SLC45A1: variants seen among roughly 807,000 people sequenced by gnomAD.
SLC45A1 encodes the protein proton-associated sugar transporter A.
In SLC45A1, 28 loss-of-function variants were observed where a neutral mutation model predicts 57.6. That is an observed-to-expected ratio of 0.49 (90% CI 0.36 to 0.67). The LOEUF (loss-of-function observed/expected upper bound fraction) is 0.67, where lower values mean the gene tolerates loss of function less well. Among genes scored for constraint, SLC45A1 ranks in the 30% least tolerant of loss-of-function variants. The pLI, the probability that SLC45A1 is intolerant of heterozygous loss-of-function variation, is 0.00. For missense variants in SLC45A1, 814 were observed against 1,041.5 expected, an observed-to-expected ratio of 0.78 and a Z score of 3.01; for synonymous variants, 459 against 471.5, an observed-to-expected ratio of 0.97 and a Z score of 0.34.
chr1:8,341,950 G>A (rs1285229045), intron 8 of SLC45A1, among the ~76,000 whole-genome samples: 1 of 151,956 alleles, frequency 6.6e-6, no homozygotes, highest in Non-Finnish European at 1.5e-5. Context: ...GCTCACGCCT[G>A]TAATCCCAGC....
Position 8,335,287 on chromosome 1 carries a change from C to T in SLC45A1, c.1444-150C>T. The T allele has an allele frequency of 1.2e-5, 9 of 733,292 alleles. No individual in the cohort carries two copies. Among genetic ancestry groups the T allele is most frequent in the African/African-American group, 1.8e-5 (1 of 55,024 alleles). The allele number at this position is 733,292 out of a possible 1,614,324, so 45.4% of individuals were successfully genotyped here. A position where few individuals can be genotyped will look rare whatever the true frequency, so the allele number is the denominator to read the frequency against. On this transcript the variant is annotated intron_variant, in intron 5 of 8. Coordinates refer to ENST00000471889, the MANE Select transcript of SLC45A1 (RefSeq NM_001080397.3). The surrounding 1 kb of genome is among the most constrained non-coding windows in gnomAD (Gnocchi z 4.1). ...GAATTTGTTCCTCTGAGGTTGGCGT[C>T]GACACGGGGCTCATGCCGTCAGATA...
chr1:8,343,600 G>T lies in SLC45A1; in HGVS notation c.1981-147G>T. 1 of 748,198 alleles carries T rather than the reference G, an allele frequency of 1.3e-6. No homozygotes were observed. The highest frequency in any genetic ancestry group is 2.2e-6 in the Non-Finnish European group (1 of 462,118). The allele number at this position is 748,198 out of a possible 1,614,324, so 46.3% of individuals were successfully genotyped here. ...CACAAATATTGTTAAACTCTTGGCT[G>T]AACTCCCTGTGCATGTTGGCGCTGA... On this transcript the variant is annotated intron_variant, in intron 8 of 8. Transcript: ENST00000471889. This position sits in a 1 kb window ranked among gnomAD's most constrained non-coding sequence, Gnocchi z 7.7.
At chr1:8,321,546 C>G (rs1640008854) in intron 1 of SLC45A1, among the ~76,000 whole-genome samples, 1 of 152,192 alleles carries the variant, frequency 6.6e-6, no homozygotes, top group Non-Finnish European at 1.5e-5. Context: ...GCCCTTTCCT[C>G]CACCTTTTTA....
intron 1 of SLC45A1, among the ~76,000 whole-genome samples, chr1:8,322,077 T>G (rs182519426): frequency 0.033 from 592 of 17,984 alleles, no homozygotes; most frequent in Non-Finnish European, 0.04. Flanking sequence ...GTGGGTGGAT[T>G]GATAGGTACA....
At chr1:8,341,558 G>GAA (rs55944229) in intron 8 of SLC45A1, among the ~76,000 whole-genome samples, 31,168 of 133,974 alleles carry the variant, frequency 0.23, 4,389 homozygotes, top group East Asian at 0.61. Flanking sequence ...GTAATACTTT[G>GAA]AAAAAAAAAA....
rs1368134051 is a variant in SLC45A1, at chr1:8,339,603, G to A, written c.1885G>A (p.Val629Met). The A allele has an allele frequency of 2.5e-6, 4 of 1,614,100 alleles. No individual in the cohort carries two copies. Among genetic ancestry groups the A allele is most frequent in the East Asian group, 2.2e-5 (1 of 44,904 alleles). Residue 629 changes from valine (V) to methionine (M), a missense_variant, in exon 8 of 9, where the codon GTG becomes ATG. By Grantham distance (21) the Val-to-Met change is conservative. Coordinates refer to ENST00000471889, the MANE Select transcript of SLC45A1 (RefSeq NM_001080397.3). ...TGCCACCCTCTCCAGGAACCTCTAC[G>A]TGGTCCTGTCGCTCTGCATAACCTA... ...GLATLSRNLYVVLSLCITYGI... is the reference protein window; with the variant it reads ...GLATLSRNLYMVLSLCITYGI...
At chr1:8,329,241 C>T (rs564367520) in intron 4 of SLC45A1, among the ~76,000 whole-genome samples, 1 of 152,160 alleles carries the variant, frequency 6.6e-6, no homozygotes, top group Non-Finnish European at 1.5e-5. Flanking sequence ...AAAGGTAAAC[C>T]CCTAATGTGG....
chr1:8,343,761 T>C lies in SLC45A1; in HGVS notation c.1995T>C (p.Ser665=), dbSNP rs766922753. 1.2e-6 allele frequency: 2 copies of C among 1,613,312 alleles called. No homozygotes were observed. The highest frequency in any genetic ancestry group is 1.7e-6 in the Non-Finnish European group (2 of 1,179,514). ...YYQSKKFAGS[S]ADGTRRGMGV... ...CTCTGGGTCAGTTTGCAGGGTCCAG[T>C]GCGGACGGCACCCGGCGGGGCATGG... The change falls in exon 9 of 9, where the codon AGT becomes AGC. Residue 665 remains serine (S), a synonymous_variant. Coordinates refer to ENST00000471889, the MANE Select transcript of SLC45A1 (RefSeq NM_001080397.3). The surrounding 1 kb of genome is among the most constrained non-coding windows in gnomAD (Gnocchi z 7.7).
intron 8 of SLC45A1, among the ~76,000 whole-genome samples, chr1:8,342,097 C>T (rs1275205616): frequency 2.6e-5 from 4 of 152,076 alleles, no homozygotes; most frequent in Non-Finnish European, 4.4e-5. Context: ...GTCCCAGCTA[C>T]TCTGGAGGCT....
In SLC45A1 at chr1:8,343,609, G is replaced by A; in HGVS notation, c.1981-138G>A. On this transcript the variant is annotated intron_variant, in intron 8 of 8. Coordinates refer to ENST00000471889, the MANE Select transcript of SLC45A1 (RefSeq NM_001080397.3). This position sits in a 1 kb window ranked among gnomAD's most constrained non-coding sequence, Gnocchi z 7.7. ...TGTTAAACTCTTGGCTGAACTCCCT[G>A]TGCATGTTGGCGCTGAAAAATGTGA... 1.2e-6 allele frequency: 1 copy of A among 817,314 alleles called. No individual in the cohort carries two copies. The highest frequency in any genetic ancestry group is 1.9e-6 in the Non-Finnish European group (1 of 518,718). The allele number at this position is 817,314 out of a possible 1,614,324, so 50.6% of individuals were successfully genotyped here. A position where few individuals can be genotyped will look rare whatever the true frequency, so the allele number is the denominator to read the frequency against.
intron 1 of SLC45A1, among the ~76,000 whole-genome samples, chr1:8,322,486 G>C (rs916616742): frequency 6.6e-6 from 1 of 151,198 alleles, no homozygotes; most frequent in East Asian, 1.9e-4. Flanking sequence ...GATGTCTCTA[G>C]ATCCAATCAT....
In SLC45A1 at chr1:8,335,355, C is replaced by T. The variant is rs371318667; in HGVS notation, c.1444-82C>T. The T allele has an allele frequency of 2.7e-5, 36 of 1,331,708 alleles. No homozygotes were observed. Among genetic ancestry groups the T allele is most frequent in the Non-Finnish European group, 2.8e-5 (28 of 1,003,780 alleles). The allele number at this position is 1,331,708 out of a possible 1,614,324, so 82.5% of individuals were successfully genotyped here. A position where few individuals can be genotyped will look rare whatever the true frequency, so the allele number is the denominator to read the frequency against. ...AGCCTCCGTGCGGTGTTTCCGAGAG[C>T]GCATTCCCCTGAGCAGAGCAGGGTC... is the stretch of plus-strand genomic sequence containing the variant. On this transcript the variant is annotated intron_variant, in intron 5 of 8. Transcript: ENST00000471889. The surrounding 1 kb of genome is among the most constrained non-coding windows in gnomAD (Gnocchi z 4.1).
chr1:8,323,315 A>G (rs1053225066), intron 1 of SLC45A1, among the ~76,000 whole-genome samples: 3 of 151,874 alleles, frequency 2.0e-5, no homozygotes, highest in African/African-American at 7.3e-5. Context: ...ACATGATGAA[A>G]CCCCGTCTCT....
Position 8,343,696 on chromosome 1 carries a change from C to G in SLC45A1, c.1981-51C>G. The G allele has an allele frequency of 6.4e-7, 1 of 1,568,986 alleles. No homozygotes were observed. On this transcript the variant is annotated intron_variant, in intron 8 of 8. Coordinates refer to ENST00000471889, the MANE Select transcript of SLC45A1 (RefSeq NM_001080397.3). This position sits in a 1 kb window ranked among gnomAD's most constrained non-coding sequence, Gnocchi z 7.7. ...CGCAGGACACACCGAGCTCGGTCAC[C>G]CCGTGCTGGCCGCGGCGTGTCTCGC...
chr1:8,339,445 C>T (rs376798162), intron 7 of SLC45A1, 48 bp from the exon 8 acceptor site: 147 of 1,593,194 alleles, frequency 9.2e-5, no homozygotes, highest in Non-Finnish European at 1.2e-4. Flanking sequence ...GCTGAATCCC[C>T]GGAGGCTCTG....
intron 8 of SLC45A1, among the ~76,000 whole-genome samples, chr1:8,341,935 C>T (rs183351358): frequency 1.2e-4 from 18 of 150,932 alleles, no homozygotes; most frequent in Non-Finnish European, 1.8e-4. Flanking sequence ...AGGCCGGGTG[C>T]GGTGGCTCAC....
intron 8 of SLC45A1, among the ~76,000 whole-genome samples, chr1:8,341,518 G>GTGGCTATGTA: frequency 7.0e-6 from 1 of 142,900 alleles, no homozygotes; most frequent in East Asian, 2.1e-4. Context: ...CTGGGCGACA[G>GTGGCTATGTA]AGCGAGACTC....
At chr1:8,333,310 T>A (rs186451391) in intron 5 of SLC45A1, among the ~76,000 whole-genome samples, 4 of 152,130 alleles carry the variant, frequency 2.6e-5, no homozygotes, top group Admixed American at 1.3e-4. Flanking sequence ...CTTACTTTTT[T>A]AAAAAATGTA....
chr1:8,320,623 T>C (rs1273427169), intron 1 of SLC45A1, among the ~76,000 whole-genome samples: 1 of 151,218 alleles, frequency 6.6e-6, no homozygotes, highest in African/African-American at 2.4e-5. Flanking sequence ...CTGGGCTAGA[T>C]AGAGGGAGAC....
Sources: allele counts gnomAD v4.1 joint callset (sites outside exome capture counted in the v4.1 genomes callset), GRCh38; gene constraint gnomAD v4.1.1; non-coding constraint Gnocchi (gnomAD v3.1); transcripts MANE v1.5; gene names NCBI Gene and HGNC (gene_info 2026-07-23, HGNC 2026-07-21).